RARRES1: variants seen among roughly 807,000 people sequenced by gnomAD.
RARRES1 encodes the protein retinoic acid receptor responder 1.
In RARRES1, 34 loss-of-function variants were observed where a neutral mutation model predicts 30.6. The observed-to-expected ratio is 1.11, with a 90% CI of 0.84 to 1.48. The LOEUF is 1.48. Among genes scored for constraint, RARRES1 ranks in the 40% most tolerant of loss-of-function variants. The probability of loss-of-function intolerance (pLI) is 0.00; values close to 1 mark genes in which losing one functional copy is unlikely to be tolerated. For missense variants in RARRES1, 373 were observed against 386.5 expected (o/e 0.97, Z 0.29); for synonymous variants, 153 against 155.5 (o/e 0.98, Z 0.12).
chr3:158,716,773 A>G (rs937553581), intron 1 of RARRES1, among the ~76,000 whole-genome samples: 1 of 152,080 alleles, frequency 6.6e-6, no homozygotes, highest in South Asian at 2.1e-4. Context: ...TAGTAGAGAC[A>G]GGTTTTCACC....
chr3:158,719,079 AT>A (rs1297180361), intron 1 of RARRES1, among the ~76,000 whole-genome samples: 1 of 152,144 alleles, frequency 6.6e-6, no homozygotes, highest in East Asian at 1.9e-4. Flanking sequence ...TTGTTCCAAT[AT>A]TTTTCCGAAA....
chr3:158,732,423 G>A lies in RARRES1; in HGVS notation c.-8C>T, dbSNP rs1360497718. 1.3e-6 allele frequency: 2 copies of A among 1,517,328 alleles called. No individual in the cohort carries two copies. The highest frequency in any genetic ancestry group is 5.2e-5 in the East Asian group (2 of 38,756). 94.0% of individuals were successfully genotyped at this position (1,517,328 alleles called of 1,614,324 possible). ...TTGCCGGCGGGGCTGCATGGACGCA[G>A]GAAAGTTGGCTCGGCACCCGACAGA... On this transcript the variant is annotated 5_prime_UTR_variant, in exon 1 of 6. Coordinates refer to ENST00000237696, the MANE Select transcript of RARRES1 (RefSeq NM_206963.2).
chr3:158,701,710 A>G (rs1726728030), intron 4 of RARRES1, among the ~76,000 whole-genome samples: 1 of 152,084 alleles, frequency 6.6e-6, no homozygotes. Context: ...GTCACAGGAG[A>G]CCTTAGTGGC....
chr3:158,720,233 G>GGTGTGTGTGTGTGTGTGTGTGT (rs781535998), intron 1 of RARRES1, among the ~76,000 whole-genome samples: 101 of 139,316 alleles, frequency 7.2e-4, no homozygotes, highest in Middle Eastern at 3.8e-3. Flanking sequence ...GCTGGCTGCT[G>GGTGTGTGTGTGTGTGTGTGTGT]GTGTGTGTGT....
chr3:158,698,974 A>G (rs138353174), intron 4 of RARRES1, among the ~76,000 whole-genome samples: 42 of 152,310 alleles, frequency 2.8e-4, no homozygotes, highest in Middle Eastern at 3.4e-3. Flanking sequence ...GCTCACTTCA[A>G]TGCTTGAGAG....
At chr3:158,715,086 G>C (rs1727279805) in intron 1 of RARRES1, among the ~76,000 whole-genome samples, 1 of 152,152 alleles carries the variant, frequency 6.6e-6, no homozygotes, top group South Asian at 2.1e-4. Flanking sequence ...GTTTGCTGAG[G>C]GCTCATCGTC....
intron 1 of RARRES1, among the ~76,000 whole-genome samples, chr3:158,730,625 T>C (rs1376328849): frequency 6.6e-6 from 1 of 151,864 alleles, no homozygotes; most frequent in Admixed American, 6.6e-5. Flanking sequence ...TAATTTTTTT[T>C]ATTTTTGGCA....
At chr3:158,727,896 C>T (rs1727741979) in intron 1 of RARRES1, among the ~76,000 whole-genome samples, 1 of 152,190 alleles carries the variant, frequency 6.6e-6, no homozygotes, top group Non-Finnish European at 1.5e-5. Flanking sequence ...CCAGCTAGCA[C>T]TTAGTTCTTC....
chr3:158,713,344 G>A (rs1727207404), intron 2 of RARRES1, among the ~76,000 whole-genome samples: 1 of 152,168 alleles, frequency 6.6e-6, no homozygotes, highest in Non-Finnish European at 1.5e-5. Context: ...AACGGCTGGA[G>A]CACGTGCTCG....
chr3:158,724,711 C>G (rs1727626457), intron 1 of RARRES1, among the ~76,000 whole-genome samples: 1 of 152,210 alleles, frequency 6.6e-6, no homozygotes, highest in Non-Finnish European at 1.5e-5. Context: ...CAATAGGACA[C>G]AATACCAATA....
At chr3:158,722,378 A>G (rs1204770779) in intron 1 of RARRES1, among the ~76,000 whole-genome samples, 2 of 152,184 alleles carry the variant, frequency 1.3e-5, no homozygotes, top group African/African-American at 2.4e-5. Flanking sequence ...CTATCTTTAC[A>G]TTAGGCACTA....
At chr3:158,714,220 C>T (rs994092285) in intron 1 of RARRES1, among the ~76,000 whole-genome samples, 2 of 152,212 alleles carry the variant, frequency 1.3e-5, no homozygotes, top group East Asian at 1.9e-4. Flanking sequence ...CCTGGGGCCA[C>T]ATCAGCGAGC....
chr3:158,719,411 A>G (rs976844347), intron 1 of RARRES1, among the ~76,000 whole-genome samples: 2 of 151,820 alleles, frequency 1.3e-5, no homozygotes, highest in Admixed American at 1.3e-4. Context: ...AGCTGGGATT[A>G]CAGGCTTTTG....
intron 2 of RARRES1, among the ~76,000 whole-genome samples, chr3:158,713,563 C>T (rs986390295): frequency 2.6e-5 from 4 of 152,020 alleles, no homozygotes; most frequent in Non-Finnish European, 5.9e-5. Context: ...GGGAGGTGAT[C>T]GCTTATATGG....
At chr3:158,710,647 T>C (rs1456820036) in intron 3 of RARRES1, 91 bp downstream of exon 3, 1 of 1,272,270 alleles carries the variant, frequency 7.9e-7, no homozygotes, top group African/African-American at 1.5e-5. Flanking sequence ...AAAGTGCCAC[T>C]TTAGGGATAA....
In RARRES1 at chr3:158,704,886, C is replaced by A; in HGVS notation, c.577G>T (p.Asp193Tyr). ...TAAGAGCTTCCAAGGAAAGCCAAATCCCAGATGAGTCTCAGAGAGGGATCA... is the reference window on the plus strand; with the variant it reads ...TAAGAGCTTCCAAGGAAAGCCAAATACCAGATGAGTCTCAGAGAGGGATCA... The part of the protein sequence containing the change: ...HIDPSLRLIW[D>Y]LAFLGSSYVM... Residue 193 changes from aspartate to tyrosine, a missense_variant, in exon 4 of 6, where the codon GAT becomes TAT. Physicochemically the swap from Asp to Tyr is radical, Grantham distance 160 (BLOSUM62 -3). Transcript: ENST00000237696. 6.2e-7 allele frequency: 1 copy of A among 1,613,790 alleles called. No individual in the cohort carries two copies. Among genetic ancestry groups the A allele is most frequent in the Non-Finnish European group, 8.5e-7 (1 of 1,179,946 alleles).
intron 2 of RARRES1, among the ~76,000 whole-genome samples, chr3:158,712,101 A>C (rs1220806443): frequency 2.0e-5 from 3 of 152,226 alleles, no homozygotes; most frequent in Admixed American, 1.3e-4. Context: ...ACAGATCAGC[A>C]CTGGGCCTAG....
intron 1 of RARRES1, among the ~76,000 whole-genome samples, chr3:158,718,577 C>T (rs1482456176): frequency 6.6e-6 from 1 of 152,204 alleles, no homozygotes; most frequent in Non-Finnish European, 1.5e-5. Flanking sequence ...CTGGCATATG[C>T]AATCTGGCGT....
At chr3:158,698,209 C>A (rs1038959245) in intron 4 of RARRES1, 5 of 490,222 alleles carry the variant, frequency 1.0e-5, no homozygotes, top group Non-Finnish European at 1.5e-5. Flanking sequence ...TGATGGAGAC[C>A]AAAGTCTGTG....
Sources: allele counts gnomAD v4.1 joint callset (sites outside exome capture counted in the v4.1 genomes callset), GRCh38; gene constraint gnomAD v4.1.1; transcripts MANE v1.5; gene names NCBI Gene and HGNC (gene_info 2026-07-23, HGNC 2026-07-21).